The following NFIA variants were observed in gnomAD, a reference collection of about 807,000 sequenced individuals.
NFIA encodes nuclear factor I A, also known as nuclear factor 1 A-type.
NFIA carries 8 observed loss-of-function variants against 62.8 expected under a neutral mutation model. The ratio of observed to expected loss-of-function variants is 0.13; its 90% CI spans 0.07 to 0.23. The LOEUF (loss-of-function observed/expected upper bound fraction) is 0.23. Among genes scored for constraint, NFIA ranks in the 10% least tolerant of loss-of-function variants. NFIA has a pLI of 1.00. For missense variants in NFIA, 410 were observed against 642.1 expected (o/e 0.64, Z 3.91); for synonymous variants, 235 against 238.1 (o/e 0.99, Z 0.12).
chr1:61,454,286 T>G (rs1377415728), intron 10 of NFIA, among the ~76,000 whole-genome samples: 8 of 152,246 alleles, frequency 5.3e-5, no homozygotes, highest in Non-Finnish European at 1.2e-4. Context: ...AGCCACATAC[T>G]TTTTTATTTC....
rs762884003 is a variant in NFIA at position 61,404,110 on chromosome 1, C to T, written c.1082C>T (p.Pro361Leu). 6 of 1,613,842 alleles carry T rather than the reference C, an allele frequency of 3.7e-6. No individual in the cohort carries two copies. Among genetic ancestry groups the T allele is most frequent in the Admixed American group, 1.7e-5 (1 of 59,996 alleles). The change falls in exon 8 of 11, where the codon CCG becomes CTG. Residue 361 changes from proline (P) to leucine (L), a missense_variant. This residue lies in a region of NFIA where 298 missense variants were observed against 438.1 expected (regional missense o/e 0.68). Transcript: ENST00000403491. ...ATGTTTTCTTTTCCTGCAGCAAGTCCGCATGCAACACCATCGACTCTTCAT... is the reference window on the plus strand; with the variant it reads ...ATGTTTTCTTTTCCTGCAGCAAGTCTGCATGCAACACCATCGACTCTTCAT... ...RPVITGPRAS[P>L]HATPSTLHFP...
intron 2 of NFIA, among the ~76,000 whole-genome samples, chr1:61,248,481 T>C (rs1655795488): frequency 6.6e-6 from 1 of 152,184 alleles, no homozygotes; most frequent in Non-Finnish European, 1.5e-5. Context: ...AACCTTTCCT[T>C]ATGATGTGTG....
At chr1:61,416,089 G>A (rs1479964372) in intron 9 of NFIA, among the ~76,000 whole-genome samples, 1 of 152,104 alleles carries the variant, frequency 6.6e-6, no homozygotes, top group Non-Finnish European at 1.5e-5. Flanking sequence ...TGGGAGAGGG[G>A]ATGCATGTAC....
At chr1:61,448,598 G>C (rs1667929125) in intron 10 of NFIA, among the ~76,000 whole-genome samples, 1 of 152,194 alleles carries the variant, frequency 6.6e-6, no homozygotes, top group African/African-American at 2.4e-5. Flanking sequence ...CTAAAACTGA[G>C]ACCTAGTGAT....
At chr1:61,330,461 GCA>G (rs1661244121) in intron 3 of NFIA, among the ~76,000 whole-genome samples, 3 of 109,748 alleles carry the variant, frequency 2.7e-5, no homozygotes, top group Admixed American at 1.2e-4. Flanking sequence ...ACACACACAC[GCA>G]CACATCTGCA....
chr1:61,360,938 T>C (rs1663255169), intron 6 of NFIA, among the ~76,000 whole-genome samples: 1 of 152,210 alleles, frequency 6.6e-6, no homozygotes, highest in Admixed American at 6.5e-5. Flanking sequence ...ATTCACTCAT[T>C]GGATAGTCTT....
chr1:61,285,758 A>G (rs1207483922), intron 3 of NFIA, among the ~76,000 whole-genome samples: 1 of 152,328 alleles, frequency 6.6e-6, no homozygotes, highest in South Asian at 2.1e-4. Context: ...CCCAAAGGGA[A>G]CCAGGGAGTC....
intron 10 of NFIA, among the ~76,000 whole-genome samples, chr1:61,451,389 A>C (rs1668053037): frequency 6.6e-6 from 1 of 152,248 alleles, no homozygotes; most frequent in South Asian, 2.1e-4. Context: ...TAGAGACGCC[A>C]CATCTGCAGG....
chr1:61,153,405 CTG>C (rs1345091580), intron 2 of NFIA, among the ~76,000 whole-genome samples: 2 of 152,210 alleles, frequency 1.3e-5, no homozygotes, highest in Non-Finnish European at 2.9e-5. Context: ...TTGACTGTAA[CTG>C]TAATTCTCTA....
intron 2 of NFIA, among the ~76,000 whole-genome samples, chr1:61,107,993 C>T (rs1223022930): frequency 4.0e-5 from 6 of 151,632 alleles, no homozygotes; most frequent in East Asian, 1.9e-4. Context: ...ATTCTTTGCT[C>T]TGTTACACTG....
At chr1:61,309,926 C>T (rs1293082606) in intron 3 of NFIA, among the ~76,000 whole-genome samples, 1 of 152,174 alleles carries the variant, frequency 6.6e-6, no homozygotes, top group South Asian at 2.1e-4. Context: ...TACCTTCTCC[C>T]TTTAATTTTC....
intron 2 of NFIA, among the ~76,000 whole-genome samples, chr1:61,178,554 G>C (rs907308258): frequency 1.3e-5 from 2 of 152,216 alleles, no homozygotes; most frequent in Non-Finnish European, 2.9e-5. Flanking sequence ...CAGATAGGTG[G>C]AATCAGGATT....
intron 7 of NFIA, among the ~76,000 whole-genome samples, chr1:61,391,955 A>G (rs1665005481): frequency 6.6e-6 from 1 of 152,238 alleles, no homozygotes; most frequent in African/African-American, 2.4e-5. Context: ...ATCTGCCAAC[A>G]GACGCACGGT....
intron 2 of NFIA, among the ~76,000 whole-genome samples, chr1:61,225,778 ATTAAT>A (rs1057341820): frequency 1.3e-5 from 2 of 151,824 alleles, no homozygotes; most frequent in African/African-American, 4.8e-5. Flanking sequence ...AGTATGAGAG[ATTAAT>A]TTATTTCAGT....
chr1:61,158,734 T>G (rs963917792), intron 2 of NFIA, among the ~76,000 whole-genome samples: 45 of 152,188 alleles, frequency 3.0e-4, no homozygotes, highest in Admixed American at 9.2e-4. Context: ...GGGGTTGATT[T>G]GCTGTCATTA....
At chr1:61,382,853 A>T (rs971629700) in intron 6 of NFIA, among the ~76,000 whole-genome samples, 7 of 152,220 alleles carry the variant, frequency 4.6e-5, no homozygotes, top group African/African-American at 1.7e-4. Context: ...AAGGTAACCA[A>T]CAAGATGAAA....
chr1:61,326,237 A>G (rs936753469), intron 3 of NFIA, among the ~76,000 whole-genome samples: 20 of 152,212 alleles, frequency 1.3e-4, no homozygotes, highest in Non-Finnish European at 1.9e-4. Context: ...AAAAATATGA[A>G]CCATAAAGGG....
chr1:61,309,196 G>T (rs1355129314), intron 3 of NFIA, among the ~76,000 whole-genome samples: 1 of 152,112 alleles, frequency 6.6e-6, no homozygotes, highest in Non-Finnish European at 1.5e-5. Flanking sequence ...GGAGCCCAGT[G>T]CCAAACATCT....
At chr1:61,282,309 C>T (rs1362907397) in intron 3 of NFIA, among the ~76,000 whole-genome samples, 1 of 152,246 alleles carries the variant, frequency 6.6e-6, no homozygotes, top group South Asian at 2.1e-4. Flanking sequence ...ATCATTTAAT[C>T]CTTTGTTATA....
Sources: allele counts gnomAD v4.1 joint callset (sites outside exome capture counted in the v4.1 genomes callset), GRCh38; gene constraint gnomAD v4.1.1; regional missense constraint gnomAD v4.1.1; transcripts MANE v1.5; gene names NCBI Gene and HGNC (gene_info 2026-07-23, HGNC 2026-07-21).